TMEM217: variants seen among roughly 807,000 people sequenced by gnomAD.
The protein encoded by TMEM217 is chromosome 6 open reading frame 128.
For missense variants in TMEM217, 204 were observed against 248.8 expected, an observed-to-expected ratio of 0.82 and a Z score of 1.21; for synonymous variants, 76 against 88.3, an observed-to-expected ratio of 0.86 and a Z score of 0.78.
intron 1 of TMEM217, among the ~76,000 whole-genome samples, chr6:37,234,102 CTTTT>C (rs70977637): frequency 4.7e-5 from 6 of 127,774 alleles, no homozygotes; most frequent in Admixed American, 7.9e-5. Flanking sequence ...TATTAAATGC[CTTTT>C]TTTTTTTTTT....
chr6:37,235,601 T>C (rs1195757438), intron 1 of TMEM217, among the ~76,000 whole-genome samples: 1 of 74,530 alleles, frequency 1.3e-5, no homozygotes, highest in Admixed American at 1.8e-4. Flanking sequence ...CTCCTGACCT[T>C]GTGATCCGTC....
chr6:37,215,103 G>A (rs142691770), downstream of TMEM217: 9,802 of 1,519,228 alleles, frequency 6.5e-3, 111 homozygotes, highest in Middle Eastern at 0.031. Context: ...CTCCACCCTC[G>A]GCACCTCTCT....
chr6:37,225,026 ACACCAC>A (rs1052738372), intron 1 of TMEM217, among the ~76,000 whole-genome samples: 4 of 150,980 alleles, frequency 2.6e-5, no homozygotes, highest in Non-Finnish European at 5.9e-5. Flanking sequence ...AAAAAAAAAA[ACACCAC>A]CACCAAAACC....
At chr6:37,215,358 C>T (rs1038535227), downstream of TMEM217, 111 of 1,510,566 alleles carry the variant, frequency 7.3e-5, no homozygotes, top group Middle Eastern at 2.2e-4. Flanking sequence ...AGGCGGATCA[C>T]GAGGTCAGGA....
chr6:37,239,477 AAAATAAATAAAT>A (rs10550751), intron 1 of TMEM217, among the ~76,000 whole-genome samples: 11 of 150,014 alleles, frequency 7.3e-5, no homozygotes, highest in Non-Finnish European at 1.3e-4. Flanking sequence ...TCTGTCTTAA[AAAATAAATAAAT>A]AAATAAATAA....
chr6:37,256,155 T>A (rs890878297), intron 1 of TMEM217, among the ~76,000 whole-genome samples: 1 of 152,156 alleles, frequency 6.6e-6, no homozygotes, highest in African/African-American at 2.4e-5. Flanking sequence ...AAGTGGCAGG[T>A]ATCTTGTCAC....
intron 1 of TMEM217, among the ~76,000 whole-genome samples, chr6:37,249,042 T>C (rs1313165419): frequency 1.3e-5 from 2 of 152,202 alleles, no homozygotes; most frequent in Admixed American, 1.3e-4. Flanking sequence ...CTTCTGTCTG[T>C]ATCTTCTCTC....
chr6:37,245,730 C>T (rs568908022), intron 1 of TMEM217, among the ~76,000 whole-genome samples: 1 of 151,112 alleles, frequency 6.6e-6, no homozygotes, highest in South Asian at 2.1e-4. Flanking sequence ...AGGAGGAGGA[C>T]GAGGAGGAGG....
downstream of TMEM217, among the ~76,000 whole-genome samples, chr6:37,216,265 G>A (rs370906043): frequency 6.6e-6 from 1 of 152,162 alleles, no homozygotes; most frequent in East Asian, 1.9e-4. Flanking sequence ...TTTTAGTAGA[G>A]AAGGGGTCTC....
intron 1 of TMEM217, among the ~76,000 whole-genome samples, chr6:37,233,074 G>A (rs1304038940): frequency 6.6e-6 from 1 of 152,160 alleles, no homozygotes; most frequent in Admixed American, 6.5e-5. Flanking sequence ...TGGAGCTTTA[G>A]TTGACATACT....
At chr6:37,227,256 T>C (rs1046513280) in intron 1 of TMEM217, among the ~76,000 whole-genome samples, 2 of 152,234 alleles carry the variant, frequency 1.3e-5, no homozygotes, top group African/African-American at 4.8e-5. Context: ...TGGTCAGTGT[T>C]GGCAATTCTT....
At chr6:37,220,583 A>C (rs1224285691) in intron 1 of TMEM217, among the ~76,000 whole-genome samples, 2 of 152,104 alleles carry the variant, frequency 1.3e-5, no homozygotes, top group Admixed American at 1.3e-4. Flanking sequence ...TATTACATGA[A>C]GTATTTTTTT....
At chr6:37,225,374 A>T (rs577166192) in intron 1 of TMEM217, among the ~76,000 whole-genome samples, 44 of 152,058 alleles carry the variant, frequency 2.9e-4, no homozygotes, top group African/African-American at 1.0e-3. Flanking sequence ...ATCATAGTTT[A>T]AAAAAAACAA....
chr6:37,220,537 T>C lies in TMEM217; in HGVS notation c.-11-1496A>G, dbSNP rs563939963. Reference sequence around the variant, plus strand: ...AACTCTCCTTGAGACATTGTAATCATAGCTGGCCTTTTTTTTTTTGTAGAT... The same window carrying C: ...AACTCTCCTTGAGACATTGTAATCACAGCTGGCCTTTTTTTTTTTGTAGAT... On this transcript the variant is annotated intron_variant, in intron 1 of 1. Coordinates refer to ENST00000357219, the Ensembl canonical transcript of TMEM217. 7.5e-5 allele frequency among the ~76,000 whole-genome samples: 11 copies of C among 146,980 alleles called. 1 individual carries two copies. Among genetic ancestry groups the C allele is most frequent in the African/African-American group, 2.7e-4 (11 of 41,258 alleles).
downstream of TMEM217, among the ~76,000 whole-genome samples, chr6:37,217,257 G>T (rs532117894): frequency 3.9e-5 from 6 of 152,342 alleles, no homozygotes; most frequent in South Asian, 1.2e-3. Context: ...TCGCACCATT[G>T]CACTCTGGCC....
intron 1 of TMEM217, among the ~76,000 whole-genome samples, chr6:37,255,434 C>T (rs1482872469): frequency 6.6e-6 from 1 of 152,178 alleles, no homozygotes; most frequent in Admixed American, 6.5e-5. Context: ...GTAATACTAG[C>T]TCTCTGGGAG....
chr6:37,233,563 C>T (rs568310968), intron 1 of TMEM217, among the ~76,000 whole-genome samples: 4 of 152,272 alleles, frequency 2.6e-5, no homozygotes, highest in East Asian at 3.9e-4. Flanking sequence ...ACAAAGTTGG[C>T]GCCCTCATGA....
chr6:37,243,708 C>T (rs1764911004), intron 1 of TMEM217, among the ~76,000 whole-genome samples: 1 of 152,188 alleles, frequency 6.6e-6, no homozygotes, highest in South Asian at 2.1e-4. Context: ...AAGCGATTCT[C>T]CTGCCTCAGC....
chr6:37,250,072 T>G (rs1344843098), intron 1 of TMEM217, among the ~76,000 whole-genome samples: 1 of 152,178 alleles, frequency 6.6e-6, no homozygotes, highest in Non-Finnish European at 1.5e-5. Context: ...CAGTGAAAAT[T>G]AGTGAACTGT....
Sources: allele counts gnomAD v4.1 joint callset (sites outside exome capture counted in the v4.1 genomes callset), GRCh38; gene constraint gnomAD v4.1.1; transcripts MANE v1.5; gene names NCBI Gene and HGNC (gene_info 2026-07-23, HGNC 2026-07-21).